Variants in CHST11 observed in about 807,000 individuals in gnomAD.
CHST11 encodes the protein C4S-1.
Under a neutral mutation model 30.4 loss-of-function variants are expected in CHST11, and 9 were observed. The ratio of observed to expected loss-of-function variants is 0.30; its 90% CI spans 0.18 to 0.52. The LOEUF is 0.52. Among genes scored for constraint, CHST11 ranks in the 20% least tolerant of loss-of-function variants. The pLI is 0.97. For missense variants in CHST11, 348 were observed against 460.6 expected (o/e 0.76, Z 2.24); for synonymous variants, 152 against 187.8 (o/e 0.81, Z 1.56).
At chr12:104,602,714 A>T (rs1178996091) in intron 2 of CHST11, among the ~76,000 whole-genome samples, 1 of 152,186 alleles carries the variant, frequency 6.6e-6, no homozygotes, top group African/African-American at 2.4e-5. Flanking sequence ...GATGCCCAGA[A>T]CTGGTAAGTG....
chr12:104,473,021 C>T (rs1384789183), intron 1 of CHST11, among the ~76,000 whole-genome samples: 1 of 152,054 alleles, frequency 6.6e-6, no homozygotes, highest in African/African-American at 2.4e-5. Context: ...TCTGAATGCT[C>T]TAAAGTTTGA....
intron 1 of CHST11, among the ~76,000 whole-genome samples, chr12:104,543,912 G>A (rs544916288): frequency 4.0e-4 from 61 of 152,008 alleles, no homozygotes; most frequent in African/African-American, 1.4e-3. Flanking sequence ...GAGGATCCTA[G>A]GAATTCAAGA....
chr12:104,539,236 C>G (rs1361213000), intron 1 of CHST11, among the ~76,000 whole-genome samples: 1 of 152,176 alleles, frequency 6.6e-6, no homozygotes, highest in Non-Finnish European at 1.5e-5. Context: ...TTCCTGGTTC[C>G]AGCACTTGCC....
In CHST11 at chr12:104,509,834, C is replaced by T. The variant is rs557568075; in HGVS notation, c.118+52305C>T. Among the ~76,000 whole-genome samples, 4 of 152,300 alleles carry T rather than the reference C, an allele frequency of 2.6e-5. No individual in the cohort carries two copies. In the East Asian group the frequency reaches 5.8e-4, roughly 22 times the overall value. Reference sequence around the variant, plus strand: ...TTTAAGGTAACATGAACTTCTGTAACGTAAGCCCCAAAATCTTGGTGAATG... The same window carrying T: ...TTTAAGGTAACATGAACTTCTGTAATGTAAGCCCCAAAATCTTGGTGAATG... On this transcript the variant is annotated intron_variant, in intron 1 of 2. Coordinates refer to ENST00000303694, the MANE Select transcript of CHST11 (RefSeq NM_018413.6).
intron 2 of CHST11, among the ~76,000 whole-genome samples, chr12:104,605,152 C>CAAAAAA (rs3039180): frequency 6.4e-5 from 6 of 93,514 alleles, no homozygotes; most frequent in South Asian, 3.6e-4. Context: ...ATCCCCTCTC[C>CAAAAAA]AAAAAAAAAA....
chr12:104,746,993 G>A (rs992531001), intron 2 of CHST11, among the ~76,000 whole-genome samples: 10 of 152,144 alleles, frequency 6.6e-5, no homozygotes, highest in Non-Finnish European at 1.3e-4. Flanking sequence ...ATCATATGCC[G>A]GTCACCACTC....
At chr12:104,509,958 C>G in intron 1 of CHST11, among the ~76,000 whole-genome samples, 1 of 152,164 alleles carries the variant, frequency 6.6e-6, no homozygotes, top group East Asian at 1.9e-4. Context: ...GGGACCTAGG[C>G]TCCTTCCATG....
chr12:104,644,945 T>C (rs1005504863), intron 2 of CHST11, among the ~76,000 whole-genome samples: 1 of 152,170 alleles, frequency 6.6e-6, no homozygotes, highest in African/African-American at 2.4e-5. Context: ...CTTCTTCCAC[T>C]TTTTTTGTTT....
At chr12:104,602,882 T>C (rs910218189) in intron 2 of CHST11, among the ~76,000 whole-genome samples, 3 of 152,156 alleles carry the variant, frequency 2.0e-5, no homozygotes, top group Admixed American at 2.0e-4. Context: ...TGTCGAATTT[T>C]TAGAACTCTT....
At chr12:104,744,070 G>A (rs1311695480) in intron 2 of CHST11, among the ~76,000 whole-genome samples, 3 of 152,176 alleles carry the variant, frequency 2.0e-5, no homozygotes, top group Non-Finnish European at 4.4e-5. Flanking sequence ...GAACACATGT[G>A]TGCATGTGTC....
intron 1 of CHST11, among the ~76,000 whole-genome samples, chr12:104,553,606 A>AGAGAGAGAGAGAGAG (rs2038427604): frequency 6.8e-6 from 1 of 147,620 alleles, no homozygotes; most frequent in African/African-American, 2.5e-5. Flanking sequence ...AGAGAGTGAG[A>AGAGAGAGAGAGAGAG]ACTAGGAGGG....
intron 1 of CHST11, among the ~76,000 whole-genome samples, chr12:104,556,298 C>T (rs574774454): frequency 6.6e-6 from 1 of 152,134 alleles, no homozygotes; most frequent in South Asian, 2.1e-4. Flanking sequence ...GGCTCCAAAG[C>T]CCCCCTTTTC....
rs558022186 is a variant in CHST11 at position 104,523,068 on chromosome 12, T to A, written c.118+65539T>A. Among the ~76,000 whole-genome samples, 9 of 152,328 alleles carry A rather than the reference T, an allele frequency of 5.9e-5. No homozygotes were observed. The South Asian group carries it at 1.7e-3, about 28-fold the overall frequency. ...GCTTGACTAATTAGAAATGGAGAATTTGCTTCTTAAAAAGGCAATCTTCAT... is the reference window on the plus strand; with the variant it reads ...GCTTGACTAATTAGAAATGGAGAATATGCTTCTTAAAAAGGCAATCTTCAT... On this transcript the variant is annotated intron_variant, in intron 1 of 2. Transcript: ENST00000303694.
chr12:104,476,032 A>G (rs1227151494), intron 1 of CHST11, among the ~76,000 whole-genome samples: 1 of 144,642 alleles, frequency 6.9e-6, no homozygotes, highest in Admixed American at 7.1e-5. Flanking sequence ...ATTATAATAT[A>G]TACATATATG....
At chr12:104,579,733 T>G (rs556091914) in intron 1 of CHST11, among the ~76,000 whole-genome samples, 1 of 152,338 alleles carries the variant, frequency 6.6e-6, no homozygotes, top group South Asian at 2.1e-4. Flanking sequence ...GCTTTAAATC[T>G]GTTGCCCGCT....
At chr12:104,722,451 A>G (rs1480011235) in intron 2 of CHST11, among the ~76,000 whole-genome samples, 2 of 152,136 alleles carry the variant, frequency 1.3e-5, no homozygotes, top group Non-Finnish European at 2.9e-5. Flanking sequence ...TATTTTGTAT[A>G]TTGACTGAAC....
intron 1 of CHST11, among the ~76,000 whole-genome samples, chr12:104,530,507 G>C (rs764458342): frequency 4.6e-5 from 7 of 152,160 alleles, no homozygotes; most frequent in Non-Finnish European, 8.8e-5. Context: ...TCTTAAAGCT[G>C]GTGAGGACAT....
intron 1 of CHST11, among the ~76,000 whole-genome samples, chr12:104,489,223 G>A (rs1273027163): frequency 6.6e-6 from 1 of 151,960 alleles, no homozygotes; most frequent in Non-Finnish European, 1.5e-5. Flanking sequence ...TTTTAGTAGA[G>A]ATGGGGTTTC....
chr12:104,644,834 A>G (rs1183385013), intron 2 of CHST11, among the ~76,000 whole-genome samples: 2 of 152,254 alleles, frequency 1.3e-5, no homozygotes, highest in Non-Finnish European at 2.9e-5. Flanking sequence ...AAGATAGTGC[A>G]GGAGCAGAGC....
Sources: gnomAD v4.1 joint callset for allele counts (sites outside exome capture counted in the v4.1 genomes callset) on GRCh38, gnomAD v4.1.1 for gene constraint, MANE v1.5 for transcripts, NCBI Gene and HGNC (gene_info 2026-07-23, HGNC 2026-07-21) for gene names.